Variants in ACSM3 observed in about 807,000 individuals in gnomAD.
The protein encoded by ACSM3 is acyl-coenzyme A synthetase ACSM3, mitochondrial.
A neutral mutation model predicts 74.1 loss-of-function variants in ACSM3; 61 were observed. That is an observed-to-expected ratio of 0.82 (90% CI 0.67 to 1.02). The LOEUF (loss-of-function observed/expected upper bound fraction) is 1.02. ACSM3 is among the 50% of genes least tolerant of loss of function. The pLI, the probability that ACSM3 is intolerant of heterozygous loss-of-function variation, is 0.00. For missense variants in ACSM3, 660 were observed against 697.0 expected (o/e 0.95, Z 0.60); for synonymous variants, 213 against 241.5 (o/e 0.88, Z 1.09).
At chr16:20,684,015 C>T (rs531269457) in intron 1 of ACSM3, among the ~76,000 whole-genome samples, 7 of 151,894 alleles carry the variant, frequency 4.6e-5, no homozygotes, top group African/African-American at 7.3e-5. Context: ...GAATATGAGA[C>T]GGAGAGAGAG....
chr16:20,730,111 T>A (rs2079821466), intron 1 of ACSM3, among the ~76,000 whole-genome samples: 1 of 152,174 alleles, frequency 6.6e-6, no homozygotes, highest in East Asian at 1.9e-4. Flanking sequence ...TCGGCCAGAC[T>A]TGGATCATAT....
At chr16:20,675,970 CAAAAG>C (rs1426269634) in intron 1 of ACSM3, among the ~76,000 whole-genome samples, 1 of 152,124 alleles carries the variant, frequency 6.6e-6, no homozygotes, top group African/African-American at 2.4e-5. Context: ...ACTACGGAGA[CAAAAG>C]AAAAGTCTCA....
At chr16:20,757,801 A>G (rs2080043821) in intron 3 of ACSM3, among the ~76,000 whole-genome samples, 1 of 151,628 alleles carries the variant, frequency 6.6e-6, no homozygotes, top group Non-Finnish European at 1.5e-5. Context: ...TTATTTTGAG[A>G]TACGTCCCAT....
At chr16:20,775,095 C>T (rs9933320) in intron 2 of ACSM3, among the ~76,000 whole-genome samples, 7,274 of 138,990 alleles carry the variant, frequency 0.052, 574 homozygotes, top group African/African-American at 0.18. Flanking sequence ...AGTGGCCTGG[C>T]TCTATCACTG....
chr16:20,792,068 A>G lies in ACSM3; in HGVS notation c.1393A>G (p.Met465Val), dbSNP rs2080612084. 1 of 1,614,190 alleles carries G rather than the reference A, an allele frequency of 6.2e-7. No homozygotes were observed. Among genetic ancestry groups the G allele is most frequent in the East Asian group, 2.2e-5 (1 of 44,886 alleles). The change falls in exon 11 of 14, where the codon ATG becomes GTG. Residue 465 changes from methionine to valine, a missense_variant. Coordinates refer to ENST00000289416, the MANE Select transcript of ACSM3 (RefSeq NM_005622.4). Reference protein sequence around the residue: ...NFYITGDRGYMDKDGYFWFVA... With the variant: ...NFYITGDRGYVDKDGYFWFVA... ...CTATATCACTGGGGACAGAGGATAT[A>G]TGGATAAAGATGGGTATTTCTGGTT... is the stretch of plus-strand genomic sequence containing the variant.
rs1257473613 is a variant in ACSM3 at position 20,789,359 on chromosome 16, G to A, written c.1225-1228G>A. ...ATAGGTACATGTCAAGTACTTAAAG[G>A]TTTAGCATTAATTACTTAGCATGTA... On this transcript the variant is annotated intron_variant, in intron 9 of 13. Coordinates refer to ENST00000289416, the MANE Select transcript of ACSM3 (RefSeq NM_005622.4). The A allele has an allele frequency of 6.6e-6, 5 of 761,000 alleles. No homozygotes were observed. In the East Asian group the frequency reaches 9.9e-5, roughly 15 times the overall value. The allele number at this position is 761,000 out of a possible 1,614,324, so 47.1% of individuals were successfully genotyped here.
intron 1 of ACSM3, chr16:20,685,201 A>T (rs761301644): frequency 5.0e-6 from 8 of 1,614,160 alleles, no homozygotes; most frequent in Middle Eastern, 1.6e-4. Flanking sequence ...ACCTGTTCGC[A>T]TGCAGCCCAC....
At chr16:20,740,221 C>T (rs1021095757) in intron 1 of ACSM3, among the ~76,000 whole-genome samples, 1 of 152,132 alleles carries the variant, frequency 6.6e-6, no homozygotes, top group Non-Finnish European at 1.5e-5. Flanking sequence ...GGCCTGAGAA[C>T]CCGTCTCTAC....
At chr16:20,787,517 G>A (rs1328416877) in intron 9 of ACSM3, among the ~76,000 whole-genome samples, 1 of 152,212 alleles carries the variant, frequency 6.6e-6, no homozygotes, top group Non-Finnish European at 1.5e-5. Context: ...CCCCTGGAGA[G>A]ACCAATTCAA....
chr16:20,710,055 C>T (rs2079739479), intron 1 of ACSM3, among the ~76,000 whole-genome samples: 1 of 152,164 alleles, frequency 6.6e-6, no homozygotes, highest in East Asian at 1.9e-4. Context: ...GTACAAACTA[C>T]CTTCTCTCTT....
At chr16:20,713,291 T>C (rs897949051) in intron 1 of ACSM3, among the ~76,000 whole-genome samples, 1 of 152,202 alleles carries the variant, frequency 6.6e-6, no homozygotes, top group Admixed American at 6.5e-5. Context: ...GCAATCATTA[T>C]TATAATTTTC....
intron 1 of ACSM3, chr16:20,742,032 G>T (rs2079932111): frequency 7.0e-7 from 1 of 1,434,810 alleles, no homozygotes; most frequent in Admixed American, 2.3e-5. Flanking sequence ...TCAAGCCCTT[G>T]AAGCTGGCTC....
At position 20,797,229 on chromosome 16, in the gene ACSM3, G is replaced by GTA; in HGVS notation, c.*260_*261dup. The GTA allele has an allele frequency of 8.5e-7, 1 of 1,182,690 alleles. No homozygotes were observed. The allele number at this position is 1,182,690 out of a possible 1,614,324, so 73.3% of individuals were successfully genotyped here. On this transcript the variant is annotated 3_prime_UTR_variant, in exon 14 of 14. Coordinates refer to ENST00000289416, the MANE Select transcript of ACSM3 (RefSeq NM_005622.4). The stretch of plus-strand genomic sequence containing the variant: ...ATCAATTGCTGATTAATTTTTAAAT[G>GTA]TATAGTATAGAAGCAGTTTCTGAAC...
chr16:20,717,956 G>GGAAGAGGAAGAGGAAGAGGAA (rs1190590436), intron 1 of ACSM3, among the ~76,000 whole-genome samples: 2 of 74,454 alleles, frequency 2.7e-5, no homozygotes, highest in South Asian at 5.0e-4. Flanking sequence ...AAGAGGAAGA[G>GGAAGAGGAAGAGGAAGAGGAA]GAAGAAGAAG....
chr16:20,735,320 ATGTC>A (rs907444742), intron 1 of ACSM3: 1 of 151,046 alleles, frequency 6.6e-6, no homozygotes, highest in Admixed American at 6.6e-5. Context: ...AAGCCACTGG[ATGTC>A]TGTATGGTGC....
Position 20,784,980 on chromosome 16 carries a change from G to GA in ACSM3, c.1020-2dup, listed in dbSNP as rs1213383504. On this transcript the variant is annotated splice_polypyrimidine_tract_variant and splice_region_variant and intron_variant, in intron 7 of 13. Coordinates refer to ENST00000289416, the MANE Select transcript of ACSM3 (RefSeq NM_005622.4). ...AAATCTAACTTATCTGGTTTTCTGA[G>GA]AAGCTATAAGTTTAAAAGCTTAAAG... 1 of 1,606,766 alleles carries GA rather than the reference G, an allele frequency of 6.2e-7. No individual in the cohort carries two copies.
chr16:20,760,303 T>G (rs2080066760), upstream of ACSM3, among the ~76,000 whole-genome samples: 2 of 152,132 alleles, frequency 1.3e-5, no homozygotes, highest in South Asian at 4.1e-4. Context: ...CTTCCTTTGT[T>G]GCGGGACAAT....
chr16:20,738,627 C>T (rs1341652996), intron 1 of ACSM3: 1 of 406,958 alleles, frequency 2.5e-6, no homozygotes, highest in Middle Eastern at 6.8e-4. Context: ...GTAGCAGCTG[C>T]CCCTTATTTA....
At chr16:20,685,847 C>CAAAAAAAAAAAAA (rs1491230287) in intron 1 of ACSM3, among the ~76,000 whole-genome samples, 1 of 91,032 alleles carries the variant, frequency 1.1e-5, no homozygotes, top group Non-Finnish European at 2.2e-5. Flanking sequence ...AAAAAAAAAA[C>CAAAAAAAAAAAAA]AAAAAACTTA....
Sources: allele counts gnomAD v4.1 joint callset (sites outside exome capture counted in the v4.1 genomes callset), GRCh38; gene constraint gnomAD v4.1.1; transcripts MANE v1.5; gene names NCBI Gene and HGNC (gene_info 2026-07-23, HGNC 2026-07-21).